The following CCSER1 variants were observed in gnomAD, a reference collection of about 807,000 sequenced individuals.
CCSER1 encodes the protein serine-rich coiled-coil domain-containing protein 1.
Under a neutral mutation model 82.0 loss-of-function variants are expected in CCSER1, and 41 were observed. That is an observed-to-expected ratio of 0.50 (90% CI 0.39 to 0.65). The LOEUF is 0.65. Ranked by LOEUF, CCSER1 falls within the 30% of genes least tolerant of loss-of-function variation. CCSER1 has a pLI of 0.00. For missense variants in CCSER1, 1,119 were observed against 1,064.2 expected (o/e 1.05, Z -0.72); for synonymous variants, 414 against 383.9 (o/e 1.08, Z -0.92).
At chr4:90,223,705 G>A (rs1191567846) in intron 1 of CCSER1, among the ~76,000 whole-genome samples, 3 of 152,150 alleles carry the variant, frequency 2.0e-5, no homozygotes, top group African/African-American at 7.2e-5. Flanking sequence ...TTAATCCAGT[G>A]ATTTCAGTGA....
chr4:91,087,527 A>T (rs114650558), intron 10 of CCSER1, among the ~76,000 whole-genome samples: 1,677 of 152,138 alleles, frequency 0.011, 28 homozygotes, highest in African/African-American at 0.037. Flanking sequence ...AATGTGTTTA[A>T]ATTAATTTTA....
rs73834717 is a variant in CCSER1, at chr4:90,991,779, A to G, written c.2172+68332A>G. Among the ~76,000 whole-genome samples the G allele has an allele frequency of 2.6e-3, 389 of 152,170 alleles. 2 individuals carry two copies. The highest frequency in any genetic ancestry group is 9.1e-3 in the African/African-American group (377 of 41,548). On this transcript the variant is annotated intron_variant, in intron 9 of 10. Transcript: ENST00000509176. ...ACAATTCAATCCACAACAAAACTGT[A>G]TGTTCCAGTCTAACTACTTCCCCAT...
chr4:90,783,752 T>C (rs145160348), intron 7 of CCSER1, among the ~76,000 whole-genome samples: 318 of 152,288 alleles, frequency 2.1e-3, no homozygotes, highest in Non-Finnish European at 3.1e-3. Context: ...CCACATTACA[T>C]AGAAGAAATA....
At chr4:90,812,433 T>C (rs1278376994) in intron 7 of CCSER1, among the ~76,000 whole-genome samples, 1 of 152,206 alleles carries the variant, frequency 6.6e-6, no homozygotes, top group Non-Finnish European at 1.5e-5. Context: ...ATATATTGTG[T>C]ACATTGAGGT....
At chr4:90,141,020 A>ATATCTATCTATCTATCTATCTATC (rs60163485) in intron 1 of CCSER1, among the ~76,000 whole-genome samples, 362 of 145,980 alleles carry the variant, frequency 2.5e-3, no homozygotes, top group Middle Eastern at 6.9e-3. Flanking sequence ...ACCCAGCAAG[A>ATATCTATCTATCTATCTATCTATC]TATCTATCTA....
At position 90,336,867 on chromosome 4, in the gene CCSER1, G is replaced by A. The variant is rs75523857; in HGVS notation, c.1509+23820G>A. 1.9e-3 allele frequency among the ~76,000 whole-genome samples: 286 copies of A among 152,222 alleles called. 1 individual carries two copies. Among genetic ancestry groups the A allele is most frequent in the African/African-American group, 6.1e-3 (254 of 41,532 alleles). Reference sequence around the variant, plus strand: ...CTCAATAGCAAATCCTTCTGCATTCGTCAGCAATATTAGCTGATGTTTATT... The same window carrying A: ...CTCAATAGCAAATCCTTCTGCATTCATCAGCAATATTAGCTGATGTTTATT... On this transcript the variant is annotated intron_variant, in intron 3 of 10. Transcript: ENST00000509176.
chr4:91,086,074 A>G (rs1723365973), intron 10 of CCSER1, 80 bp downstream of exon 10: 1 of 822,808 alleles, frequency 1.2e-6, no homozygotes, highest in East Asian at 2.7e-5. Context: ...ATGGTGATTG[A>G]CGATAATTAC....
At chr4:91,376,954 C>G (rs4259029) in intron 10 of CCSER1, among the ~76,000 whole-genome samples, 105,677 of 149,336 alleles carry the variant, frequency 0.71, 37,528 homozygotes, top group East Asian at 0.87. Context: ...CTGTGTCCAA[C>G]TGTCCTCATT....
At chr4:90,627,926 A>G in intron 5 of CCSER1, 99 bp from the exon 6 acceptor site, 1 of 861,194 alleles carries the variant, frequency 1.2e-6, no homozygotes, top group Non-Finnish European at 1.9e-6. Context: ...GACACAAGAA[A>G]TACTTTCTAG....
At chr4:90,135,685 G>T (rs898319515) in intron 1 of CCSER1, among the ~76,000 whole-genome samples, 1 of 152,258 alleles carries the variant, frequency 6.6e-6, no homozygotes. Context: ...TAGGACCATC[G>T]CCAGACTGCC....
At chr4:90,354,310 A>T (rs1417018990) in intron 3 of CCSER1, among the ~76,000 whole-genome samples, 1 of 152,154 alleles carries the variant, frequency 6.6e-6, no homozygotes, top group Admixed American at 6.6e-5. Context: ...AAATGAGGAG[A>T]TATTGATCAA....
At chr4:91,257,349 T>C (rs1456566923) in intron 10 of CCSER1, among the ~76,000 whole-genome samples, 2 of 152,040 alleles carry the variant, frequency 1.3e-5, no homozygotes, top group Non-Finnish European at 2.9e-5. Context: ...CAGACAGTAA[T>C]TAATCCTAAT....
intron 10 of CCSER1, among the ~76,000 whole-genome samples, chr4:91,408,758 A>C (rs771219066): frequency 1.3e-4 from 20 of 152,244 alleles, no homozygotes; most frequent in Non-Finnish European, 2.8e-4. Flanking sequence ...ATAGAAACAA[A>C]GGAAAATGTT....
At chr4:90,907,202 A>G (rs1054249304) in intron 8 of CCSER1, among the ~76,000 whole-genome samples, 17 of 152,138 alleles carry the variant, frequency 1.1e-4, no homozygotes, top group Non-Finnish European at 1.5e-5. Flanking sequence ...GATCATGTCA[A>G]TAAGAAGCAG....
chr4:90,747,995 T>C (rs189232402), intron 7 of CCSER1, among the ~76,000 whole-genome samples: 1 of 151,858 alleles, frequency 6.6e-6, no homozygotes, highest in Non-Finnish European at 1.5e-5. Context: ...CATTTTTTTA[T>C]GGCTGCATAG....
intron 1 of CCSER1, among the ~76,000 whole-genome samples, chr4:90,199,959 A>T (rs1737346705): frequency 6.6e-6 from 1 of 151,944 alleles, no homozygotes; most frequent in Non-Finnish European, 1.5e-5. Flanking sequence ...GTTCCAATTT[A>T]TGGTGTTTAC....
chr4:91,024,607 T>C (rs1275574940), intron 9 of CCSER1, among the ~76,000 whole-genome samples: 1 of 152,064 alleles, frequency 6.6e-6, no homozygotes, highest in Admixed American at 6.6e-5. Context: ...TAAATATTGT[T>C]CAGTGGATTG....
intron 1 of CCSER1, among the ~76,000 whole-genome samples, chr4:90,242,804 T>G (rs1720616646): frequency 6.6e-6 from 1 of 152,190 alleles, no homozygotes; most frequent in African/African-American, 2.4e-5. Flanking sequence ...TGTTGTAAGT[T>G]TTAAATACAA....
At chr4:91,280,809 A>G (rs1742858805) in intron 10 of CCSER1, among the ~76,000 whole-genome samples, 1 of 152,142 alleles carries the variant, frequency 6.6e-6, no homozygotes, top group Non-Finnish European at 1.5e-5. Context: ...CAGCAGCAGT[A>G]CCTGGCTGTG....
Sources: allele counts gnomAD v4.1 joint callset (sites outside exome capture counted in the v4.1 genomes callset), GRCh38; gene constraint gnomAD v4.1.1; transcripts MANE v1.5; gene names NCBI Gene and HGNC (gene_info 2026-07-23, HGNC 2026-07-21).